The following EML4 variants were observed in gnomAD, a reference collection of about 807,000 sequenced individuals.
EML4 encodes the protein echinoderm microtubule-associated protein-like 4.
A neutral mutation model predicts 129.0 loss-of-function variants in EML4; 72 were observed. That is an observed-to-expected ratio of 0.56 (90% CI 0.46 to 0.68). EML4 has a LOEUF of 0.68. Among genes scored for constraint, EML4 ranks in the 30% least tolerant of loss-of-function variants. The probability of loss-of-function intolerance (pLI) is 0.00; values close to 1 mark genes in which losing one functional copy is unlikely to be tolerated. For missense variants in EML4, 1,363 were observed against 1,190.6 expected, an observed-to-expected ratio of 1.14 and a Z score of -2.13; for synonymous variants, 532 against 405.0, an observed-to-expected ratio of 1.31 and a Z score of -3.77.
intron 8 of EML4, 38 bp downstream of exon 8, chr2:42,283,010 C>A: frequency 1.3e-6 from 2 of 1,532,826 alleles, no homozygotes; most frequent in South Asian, 1.3e-5. Flanking sequence ...TTTGTTCTTT[C>A]AGGCCCTCAT....
chr2:42,262,778 A>G (rs1665812724), intron 4 of EML4, among the ~76,000 whole-genome samples: 1 of 152,216 alleles, frequency 6.6e-6, no homozygotes, highest in South Asian at 2.1e-4. Flanking sequence ...TATGTAATGT[A>G]ATTACCTGAG....
At chr2:42,217,871 A>C (rs533806270) in intron 1 of EML4, among the ~76,000 whole-genome samples, 1 of 152,252 alleles carries the variant, frequency 6.6e-6, no homozygotes, top group African/African-American at 2.4e-5. Context: ...TGTAGAAGAC[A>C]TGGGGAATTT....
intron 5 of EML4, among the ~76,000 whole-genome samples, chr2:42,264,445 G>C (rs1250016099): frequency 6.6e-6 from 1 of 152,086 alleles, no homozygotes; most frequent in Non-Finnish European, 1.5e-5. Context: ...AATCATATAA[G>C]ATTTGAGTAT....
At chr2:42,203,503 T>G (rs1672356611) in intron 1 of EML4, among the ~76,000 whole-genome samples, 1 of 152,166 alleles carries the variant, frequency 6.6e-6, no homozygotes. Context: ...CACATGAACT[T>G]TATATAGATT....
At chr2:42,275,223 A>T (rs1265520982) in intron 6 of EML4, among the ~76,000 whole-genome samples, 1 of 152,236 alleles carries the variant, frequency 6.6e-6, no homozygotes, top group Non-Finnish European at 1.5e-5. Context: ...TGTGATCAGT[A>T]TAAAAAAATT....
intron 11 of EML4, among the ~76,000 whole-genome samples, chr2:42,292,185 A>C (rs1667687855): frequency 6.6e-6 from 1 of 152,204 alleles, no homozygotes; most frequent in Non-Finnish European, 1.5e-5. Context: ...GAACTTTGTG[A>C]ATTGTTCCTT....
In EML4 at chr2:42,303,536, T is replaced by C. The variant is rs568250006; in HGVS notation, c.1899+90T>C. ...CAGCAAAGTAAAAAGGACTAAGTGT[T>C]GATTCAAACCAAATGTAAACATATG... On this transcript the variant is annotated intron_variant, in intron 16 of 22. Transcript: ENST00000318522. 75 of 1,384,390 alleles carry C rather than the reference T, an allele frequency of 5.4e-5. 1 individual carries two copies. In the South Asian group the frequency reaches 8.2e-4, roughly 15 times the overall value. The allele number at this position is 1,384,390 out of a possible 1,614,324, so 85.8% of individuals were successfully genotyped here.
rs994991679 is a variant in EML4, at chr2:42,253,638, A to G, written c.209-2863A>G. ...GATGCATCCATTTAGTTGTTTTGAT[A>G]TTAAGTACTTTTTGTGTGCTAGGCA... is the stretch of plus-strand genomic sequence containing the variant. On this transcript the variant is annotated intron_variant, in intron 2 of 22. Transcript: ENST00000318522. 3.3e-5 allele frequency among the ~76,000 whole-genome samples: 5 copies of G among 152,332 alleles called. No individual in the cohort carries two copies. In the East Asian group the frequency reaches 7.7e-4, roughly 23 times the overall value.
At chr2:42,286,628 G>C (rs1667322333) in intron 10 of EML4, among the ~76,000 whole-genome samples, 1 of 152,210 alleles carries the variant, frequency 6.6e-6, no homozygotes, top group African/African-American at 2.4e-5. Context: ...CCTTGAGGTA[G>C]AGCTCCCATG....
At chr2:42,296,104 C>T (rs981852814) in intron 13 of EML4, among the ~76,000 whole-genome samples, 1 of 152,142 alleles carries the variant, frequency 6.6e-6, no homozygotes, top group African/African-American at 2.4e-5. Context: ...AGAGGAAGGA[C>T]ATGGAAAATA....
At chr2:42,289,784 C>G (rs1210773848) in intron 11 of EML4, 1 of 151,822 alleles carries the variant, frequency 6.6e-6, no homozygotes, top group Non-Finnish European at 1.5e-5. Context: ...TTAACTTAAT[C>G]TGGCCAGGGG....
chr2:42,260,514 A>G (rs562052585), intron 3 of EML4, among the ~76,000 whole-genome samples: 5 of 150,722 alleles, frequency 3.3e-5, no homozygotes, highest in African/African-American at 4.9e-5. Context: ...TTTAACAGCA[A>G]TTTTTTTGAT....
intron 1 of EML4, among the ~76,000 whole-genome samples, chr2:42,178,259 C>A (rs1670724329): frequency 6.6e-6 from 1 of 151,966 alleles, no homozygotes; most frequent in South Asian, 2.1e-4. Flanking sequence ...AGAGAATTTT[C>A]AGGCCAGGTG....
chr2:42,229,381 C>T (rs1674177292), intron 1 of EML4, among the ~76,000 whole-genome samples: 1 of 151,958 alleles, frequency 6.6e-6, no homozygotes, highest in South Asian at 2.1e-4. Flanking sequence ...TTTTTAAATC[C>T]CAGACAGTCT....
At position 42,169,499 on chromosome 2, in the gene EML4, G is replaced by A. The variant is rs1338626252; in HGVS notation, c.-113G>A. On this transcript the variant is annotated 5_prime_UTR_variant, in exon 1 of 23. Transcript: ENST00000318522. ...ACGACGGAGGCGGGAGCCGGTAGCCGAGCCGGGCGACCTAGAGAACGAGCG... is the reference window on the plus strand; with the variant it reads ...ACGACGGAGGCGGGAGCCGGTAGCCAAGCCGGGCGACCTAGAGAACGAGCG... 4.6e-6 allele frequency: 6 copies of A among 1,295,406 alleles called. No homozygotes were observed. In the African/African-American group the frequency reaches 6.1e-5, roughly 13 times the overall value. The allele number at this position is 1,295,406 out of a possible 1,614,324, so 80.2% of individuals were successfully genotyped here.
chr2:42,262,682 T>C (rs1665807139), intron 4 of EML4, among the ~76,000 whole-genome samples: 1 of 152,214 alleles, frequency 6.6e-6, no homozygotes, highest in Non-Finnish European at 1.5e-5. Flanking sequence ...AAAGTCTTGT[T>C]TATTTCTGAT....
chr2:42,197,577 A>C (rs1442824562), intron 1 of EML4, among the ~76,000 whole-genome samples: 1 of 152,136 alleles, frequency 6.6e-6, no homozygotes, highest in Non-Finnish European at 1.5e-5. Context: ...GAAAAAAAAA[A>C]CAAAATGGTG....
intron 1 of EML4, among the ~76,000 whole-genome samples, chr2:42,244,085 TTTG>T (rs1401965886): frequency 1.5e-3 from 98 of 65,134 alleles, no homozygotes; most frequent in African/African-American, 3.8e-3. Flanking sequence ...TTTTTTGTTT[TTTG>T]TTTTTGTTTT....
chr2:42,237,353 G>A (rs1188499594), intron 1 of EML4, among the ~76,000 whole-genome samples: 1 of 152,080 alleles, frequency 6.6e-6, no homozygotes. Flanking sequence ...TTGTAGTTAA[G>A]TATCAGTATT....
Sources: gnomAD v4.1 joint callset for allele counts (sites outside exome capture counted in the v4.1 genomes callset) on GRCh38, gnomAD v4.1.1 for gene constraint, MANE v1.5 for transcripts, NCBI Gene and HGNC (gene_info 2026-07-23, HGNC 2026-07-21) for gene names.